CFAP61: variants seen among roughly 807,000 people sequenced by gnomAD.
The protein encoded by CFAP61 is cilia- and flagella-associated protein 61.
A neutral mutation model predicts 135.6 loss-of-function variants in CFAP61; 107 were observed. The ratio of observed to expected loss-of-function variants is 0.79; its 90% confidence interval spans 0.67 to 0.93. CFAP61 has a LOEUF of 0.93. CFAP61 is among the 40% of genes least tolerant of loss of function. The pLI, the probability that CFAP61 is intolerant of heterozygous loss-of-function variation, is 0.00. For synonymous variants in CFAP61, 575 were observed against 578.5 expected (o/e 0.99, Z 0.09); for missense variants, 1,507 against 1,556.2 (o/e 0.97, Z 0.53).
In CFAP61 at chr20:20,139,440, C is replaced by G. The variant is rs575373564; in HGVS notation, c.860-3417C>G. Among the ~76,000 whole-genome samples the G allele has an allele frequency of 2.0e-5, 3 of 152,314 alleles. No individual in the cohort carries two copies. The East Asian group carries it at 5.8e-4, about 29-fold the overall frequency. On this transcript the variant is annotated intron_variant, in intron 8 of 26. Coordinates refer to ENST00000245957, the MANE Select transcript of CFAP61 (RefSeq NM_015585.4). ...CTCCCACTAGAGTAAACCAATAGTT[C>G]ATGACTTCTAAACTACTTAGATGGT... is the stretch of plus-strand genomic sequence containing the variant.
chr20:20,207,083 A>G (rs2056887999), intron 17 of CFAP61, among the ~76,000 whole-genome samples: 1 of 152,208 alleles, frequency 6.6e-6, no homozygotes, highest in Non-Finnish European at 1.5e-5. Context: ...TTGAAAGCAG[A>G]GATTTTTCTA....
At chr20:20,226,671 T>A (rs1324590412) in intron 17 of CFAP61, among the ~76,000 whole-genome samples, 1 of 152,206 alleles carries the variant, frequency 6.6e-6, no homozygotes, top group Non-Finnish European at 1.5e-5. Context: ...ATTTCAGGTT[T>A]CACGTTTACA....
intron 21 of CFAP61, among the ~76,000 whole-genome samples, chr20:20,272,878 C>T (rs1398831154): frequency 6.6e-6 from 1 of 152,070 alleles, no homozygotes; most frequent in African/African-American, 2.4e-5. Context: ...AAATGAGTTA[C>T]CCAACTGCTA....
chr20:20,332,897 A>T (rs1416270586), intron 25 of CFAP61, among the ~76,000 whole-genome samples: 14 of 152,226 alleles, frequency 9.2e-5, no homozygotes, highest in Admixed American at 9.2e-4. Context: ...GATTACAGGC[A>T]TGAGCCAATG....
intron 16 of CFAP61, 24 bp from the exon 17 acceptor site, chr20:20,199,744 A>C: frequency 6.2e-7 from 1 of 1,613,520 alleles, no homozygotes. Context: ...TCTCTCCCCT[A>C]AAATATAGAT....
chr20:20,085,348 G>A, intron 6 of CFAP61: 5 of 1,283,086 alleles, frequency 3.9e-6, no homozygotes, highest in Non-Finnish European at 5.1e-6. Flanking sequence ...GACTATGTGA[G>A]GCTGATGTCA....
At chr20:20,140,179 A>C (rs1024821583) in intron 8 of CFAP61, among the ~76,000 whole-genome samples, 4 of 148,052 alleles carry the variant, frequency 2.7e-5, no homozygotes, top group Non-Finnish European at 6.0e-5. Flanking sequence ...ATTTTTTAAA[A>C]AATTTTTTAT....
At chr20:20,300,852 C>T (rs966940870) in intron 25 of CFAP61, among the ~76,000 whole-genome samples, 4 of 152,008 alleles carry the variant, frequency 2.6e-5, no homozygotes, top group Admixed American at 6.6e-5. Flanking sequence ...GTGATCCACC[C>T]GCCTCCGCCT....
At position 20,090,843 on chromosome 20, in the gene CFAP61, G is replaced by A; in HGVS notation, c.567-1G>A. On this transcript the variant is annotated splice_acceptor_variant, in intron 6 of 26. Transcript: ENST00000245957. LOFTEE classifies it high-confidence loss of function. ...TGAACTTCAGCCTTTCTATTAAACA[G>A]GGTGGAAGACCATGACGATCTCATG... 1 of 1,614,090 alleles carries A rather than the reference G, an allele frequency of 6.2e-7. No individual in the cohort carries two copies. The highest frequency in any genetic ancestry group is 8.5e-7 in the Non-Finnish European group (1 of 1,179,986).
At chr20:20,176,747 G>A (rs1480270415) in intron 13 of CFAP61, among the ~76,000 whole-genome samples, 2 of 152,268 alleles carry the variant, frequency 1.3e-5, no homozygotes, top group African/African-American at 4.8e-5. Context: ...GAGAGCATCA[G>A]GATAAGTAGC....
intron 8 of CFAP61, among the ~76,000 whole-genome samples, chr20:20,124,265 CCAG>C (rs1442854075): frequency 2.6e-5 from 4 of 151,572 alleles, no homozygotes; most frequent in African/African-American, 9.8e-5. Flanking sequence ...GTTAGGACTT[CCAG>C]TGCTATGTTG....
chr20:20,288,535 G>A, intron 22 of CFAP61, 74 bp from the exon 23 acceptor site: 1 of 1,155,642 alleles, frequency 8.7e-7, no homozygotes, highest in South Asian at 1.4e-5. Context: ...AAATGCCCTG[G>A]AGACTAGTCA....
chr20:20,306,679 T>C (rs149652702), intron 25 of CFAP61, among the ~76,000 whole-genome samples: 33 of 152,284 alleles, frequency 2.2e-4, no homozygotes, highest in East Asian at 9.7e-4. Flanking sequence ...TCCACCAGGA[T>C]TCCCCCCACC....
intron 26 of CFAP61, among the ~76,000 whole-genome samples, chr20:20,352,405 A>G (rs1340847297): frequency 6.6e-6 from 1 of 152,204 alleles, no homozygotes; most frequent in Non-Finnish European, 1.5e-5. Flanking sequence ...TTCGACAGAC[A>G]CGTGGGGATT....
chr20:20,344,594 GC>G (rs1190469970), intron 26 of CFAP61, among the ~76,000 whole-genome samples: 9 of 152,258 alleles, frequency 5.9e-5, no homozygotes, highest in African/African-American at 1.7e-4. Flanking sequence ...CAAAAGACAG[GC>G]AGTAACAAAT....
chr20:20,291,580 C>G (rs981737661), intron 24 of CFAP61, among the ~76,000 whole-genome samples: 2 of 152,282 alleles, frequency 1.3e-5, no homozygotes, highest in Non-Finnish European at 2.9e-5. Flanking sequence ...GACATTAAGC[C>G]TCTACATTTT....
intron 8 of CFAP61, among the ~76,000 whole-genome samples, chr20:20,139,721 C>G (rs1295615154): frequency 1.3e-5 from 2 of 152,156 alleles, no homozygotes; most frequent in African/African-American, 4.8e-5. Flanking sequence ...TAATAAACTG[C>G]AACACCTCAC....
chr20:20,322,591 G>A, intron 25 of CFAP61: 1 of 595,496 alleles, frequency 1.7e-6, no homozygotes, highest in Non-Finnish European at 2.1e-6. Flanking sequence ...GAGGAAAGAG[G>A]GAAGTGGTAT....
chr20:20,062,626 AAAAG>A (rs1372563335), intron 2 of CFAP61, among the ~76,000 whole-genome samples: 14 of 152,214 alleles, frequency 9.2e-5, no homozygotes, highest in African/African-American at 3.4e-4. Flanking sequence ...AATCAGGAAA[AAAAG>A]AAAAACTTTC....
Sources: gnomAD v4.1 joint callset for allele counts (sites outside exome capture counted in the v4.1 genomes callset) on GRCh38, gnomAD v4.1.1 for gene constraint, MANE v1.5 for transcripts, NCBI Gene and HGNC (gene_info 2026-07-23, HGNC 2026-07-21) for gene names.